THTPA: variants seen among roughly 807,000 people sequenced by gnomAD.
THTPA encodes the protein thiamine triphosphatase.
In THTPA, 16 loss-of-function variants were observed where a neutral mutation model predicts 16.5. That is an observed-to-expected ratio of 0.97 (90% CI 0.66 to 1.47). The LOEUF (loss-of-function observed/expected upper bound fraction) is 1.47. Ranked by LOEUF, THTPA falls within the 40% of genes most tolerant of loss-of-function variation. The pLI, the probability that THTPA is intolerant of heterozygous loss-of-function variation, is 0.00. For synonymous variants in THTPA, 110 were observed against 115.5 expected (o/e 0.95, Z 0.30); for missense variants, 281 against 280.9 (o/e 1.00, Z 0.00).
chr14:23,557,554 G>A (rs1007907663), intron 1 of THTPA, among the ~76,000 whole-genome samples: 2 of 152,134 alleles, frequency 1.3e-5, no homozygotes, highest in African/African-American at 4.8e-5. Context: ...TTTTGTAATG[G>A]GAATTGTTTT....
chr14:23,525,524 G>C, the THTPA span: 1 of 1,535,666 alleles, frequency 6.5e-7, no homozygotes, highest in East Asian at 2.4e-5. This position sits in a 1 kb window ranked among gnomAD's most constrained non-coding sequence, Gnocchi z 5.9. Context: ...ACCCCCGAGG[G>C]CCTCAGGTGG....
chr14:23,540,406 T>A, the THTPA span, among the ~76,000 whole-genome samples: 1 of 152,212 alleles, frequency 6.6e-6, no homozygotes, highest in African/African-American at 2.4e-5. Flanking sequence ...CCTCAGGCAT[T>A]GCACCCTTCC....
At chr14:23,537,416 C>T in the THTPA span, among the ~76,000 whole-genome samples, 4 of 152,138 alleles carry the variant, frequency 2.6e-5, no homozygotes, top group South Asian at 2.1e-4. Flanking sequence ...GGGCGAGGGG[C>T]GTGGCCTCTC....
At chr14:23,527,850 G>T in the THTPA span, 1 of 1,515,734 alleles carries the variant, frequency 6.6e-7, no homozygotes, top group Non-Finnish European at 8.8e-7. Flanking sequence ...GGGAAGGATG[G>T]GACCCACCAT....
the THTPA span, chr14:23,524,249 T>C: frequency 6.5e-7 from 1 of 1,536,426 alleles, no homozygotes. This position sits in a 1 kb window ranked among gnomAD's most constrained non-coding sequence, Gnocchi z 5.6. Context: ...TACCACTCGC[T>C]TTTTGAGCCC....
chr14:23,524,946 T>C, the THTPA span: 2 of 1,536,266 alleles, frequency 1.3e-6, no homozygotes, highest in South Asian at 2.4e-5. The surrounding 1 kb of genome is among the most constrained non-coding windows in gnomAD (Gnocchi z 5.6). Context: ...GCTCCCCCAG[T>C]GCCTCCTCCG....
At chr14:23,528,754 G>C in the THTPA span, 6 of 985,266 alleles carry the variant, frequency 6.1e-6, no homozygotes, top group African/African-American at 1.0e-4. Context: ...AGTGGCCCAG[G>C]AAAATTCTGG....
the THTPA span, among the ~76,000 whole-genome samples, chr14:23,541,046 A>G: frequency 2.3e-3 from 348 of 152,126 alleles, no homozygotes; most frequent in Middle Eastern, 0.01. Flanking sequence ...AGCTGGGATT[A>G]CAGGTGCATG....
chr14:23,545,448 A>C, the THTPA span, among the ~76,000 whole-genome samples: 52 of 151,930 alleles, frequency 3.4e-4, no homozygotes, highest in African/African-American at 1.2e-3. Flanking sequence ...TTCTCATTTA[A>C]ATTGTGGCCA....
chr14:23,526,678 T>A, the THTPA span: 1 of 1,535,854 alleles, frequency 6.5e-7, no homozygotes, highest in Non-Finnish European at 8.7e-7. Flanking sequence ...GGTTAGGGCC[T>A]TCTAGGGGAG....
chr14:23,524,495 T>C, the THTPA span: 1 of 1,528,514 alleles, frequency 6.5e-7, no homozygotes, highest in Non-Finnish European at 8.8e-7. The surrounding 1 kb of genome is among the most constrained non-coding windows in gnomAD (Gnocchi z 5.6). Context: ...CACCAGGGGG[T>C]TTCTCTCCCC....
chr14:23,520,099 A>G, the THTPA span, among the ~76,000 whole-genome samples: 3 of 152,184 alleles, frequency 2.0e-5, no homozygotes, highest in Admixed American at 1.3e-4. This position sits in a 1 kb window ranked among gnomAD's most constrained non-coding sequence, Gnocchi z 8.7. Flanking sequence ...GCCTAGGGGT[A>G]CAGAACATTC....
chr14:23,525,227 C>T, the THTPA span: 1 of 1,536,096 alleles, frequency 6.5e-7, no homozygotes, highest in Non-Finnish European at 8.7e-7. The surrounding 1 kb of genome is among the most constrained non-coding windows in gnomAD (Gnocchi z 5.9). Flanking sequence ...CCAGTGTCCC[C>T]CTGCTCGACT....
the THTPA span, chr14:23,526,861 C>G: frequency 6.5e-7 from 1 of 1,531,770 alleles, no homozygotes; most frequent in Non-Finnish European, 8.7e-7. Flanking sequence ...TGCCTGGTCT[C>G]TGCTCGGTGT....
chr14:23,529,709 C>G, the THTPA span: 2 of 1,536,160 alleles, frequency 1.3e-6, no homozygotes, highest in Admixed American at 2.0e-5. Flanking sequence ...CCAATTCTGA[C>G]CGTGGTCTGG....
At chr14:23,554,537 C>T (rs1269817522), upstream of THTPA, among the ~76,000 whole-genome samples, 2 of 149,426 alleles carry the variant, frequency 1.3e-5, no homozygotes, top group African/African-American at 2.5e-5. Flanking sequence ...CTACCACACC[C>T]GGCTAATTAA....
the THTPA span, among the ~76,000 whole-genome samples, chr14:23,541,552 G>A: frequency 6.6e-6 from 1 of 152,136 alleles, no homozygotes; most frequent in South Asian, 2.1e-4. Context: ...CTCCCAAAGT[G>A]CTGGGATTAC....
chr14:23,534,982 A>G, the THTPA span: 9 of 1,536,014 alleles, frequency 5.9e-6, no homozygotes, highest in Non-Finnish European at 7.0e-6. The surrounding 1 kb of genome is among the most constrained non-coding windows in gnomAD (Gnocchi z 4.5). Flanking sequence ...AGCTGTGAAG[A>G]ATAAGTGGTT....
chr14:23,529,760 C>T, the THTPA span: 1 of 1,536,334 alleles, frequency 6.5e-7, no homozygotes, highest in South Asian at 1.2e-5. Flanking sequence ...TTTTCTGTCT[C>T]TTCTGAAGCT....
Sources: gnomAD v4.1 joint callset for allele counts (sites outside exome capture counted in the v4.1 genomes callset) on GRCh38, gnomAD v4.1.1 for gene constraint, Gnocchi (gnomAD v3.1) non-coding constraint, MANE v1.5 for transcripts, NCBI Gene and HGNC (gene_info 2026-07-23, HGNC 2026-07-21) for gene names.